BCL2L2: variants seen among roughly 807,000 people sequenced by gnomAD.
BCL2L2 encodes the protein BCL2 like 2.
Under a neutral mutation model 14.6 loss-of-function variants are expected in BCL2L2, and 6 were observed. The observed-to-expected ratio is 0.41, with a 90% confidence interval of 0.22 to 0.81. The LOEUF is 0.81. Among genes scored for constraint, BCL2L2 ranks in the 30% least tolerant of loss-of-function variants. The pLI, the probability that BCL2L2 is intolerant of heterozygous loss-of-function variation, is 0.32. For missense variants in BCL2L2, 191 were observed against 260.5 expected, an observed-to-expected ratio of 0.73 and a Z score of 1.84; for synonymous variants, 90 against 108.5, an observed-to-expected ratio of 0.83 and a Z score of 1.06.
Position 23,309,109 on chromosome 14 carries a change from C to T in BCL2L2, c.*144C>T. On this transcript the variant is annotated 3_prime_UTR_variant, in exon 4 of 4. Coordinates refer to ENST00000250405, the MANE Select transcript of BCL2L2 (RefSeq NM_004050.5). ...AGAGAAAGGGTAGTGTGTGAGGGAG[C>T]TGAGTAGGCCAGGTAGGCGATTGGA... 7 of 1,246,124 alleles carry T rather than the reference C, an allele frequency of 5.6e-6. No individual in the cohort carries two copies. Among genetic ancestry groups the T allele is most frequent in the Non-Finnish European group, 7.1e-6 (7 of 988,500 alleles). 77.2% of individuals were successfully genotyped at this position (1,246,124 alleles called of 1,614,324 possible). A position where few individuals can be genotyped will look rare whatever the true frequency, so the allele number is the denominator to read the frequency against.
In BCL2L2 at chr14:23,310,698, A is replaced by C. The variant is rs1887558286; in HGVS notation, c.*1733A>C. ...GGGGTGGGGGGTCTCTGACTTGCTC[A>C]GGACAAACTAGGCCAGTGGTTTTCA... On this transcript the variant is annotated 3_prime_UTR_variant, in exon 4 of 4. Transcript: ENST00000250405. The C allele has an allele frequency of 2.6e-6, 3 of 1,166,276 alleles. No homozygotes were observed. In the South Asian group the frequency reaches 5.0e-5, roughly 19 times the overall value. 72.2% of individuals were successfully genotyped at this position (1,166,276 alleles called of 1,614,324 possible).
chr14:23,307,555 T>G (rs1887309641), intron 2 of BCL2L2, among the ~76,000 whole-genome samples: 1 of 152,348 alleles, frequency 6.6e-6, no homozygotes, highest in African/African-American at 2.4e-5. Context: ...ACATTTAATT[T>G]GGCATATTAG....
Position 23,308,921 on chromosome 14 carries a change from C to A in BCL2L2, c.538C>A (p.Leu180Met). The A allele has an allele frequency of 1.5e-6, 2 of 1,321,142 alleles. No homozygotes were observed. Among genetic ancestry groups the A allele is most frequent in the Non-Finnish European group, 1.9e-6 (2 of 1,026,622 alleles). The allele number at this position is 1,321,142 out of a possible 1,614,324, so 81.8% of individuals were successfully genotyped here. A position where few individuals can be genotyped will look rare whatever the true frequency, so the allele number is the denominator to read the frequency against. Residue 180 changes from leucine to methionine, a missense_variant, in exon 4 of 4, where the codon CTG becomes ATG. Physicochemically the swap from Leu to Met is conservative, Grantham distance 15. Transcript: ENST00000250405. This position sits in a 1 kb window ranked among gnomAD's most constrained non-coding sequence, Gnocchi z 5.4. ...VRTVLTGAVA[L>M]GALVTVGAFF... is the part of the protein sequence containing the mutation. Reference sequence around the variant, plus strand: ...GACAGTGCTGACGGGGGCCGTGGCACTGGGGGCCCTGGTAACTGTAGGGGC... The same window carrying A: ...GACAGTGCTGACGGGGGCCGTGGCAATGGGGGCCCTGGTAACTGTAGGGGC...
chr14:23,308,211 C>A lies in BCL2L2; in HGVS notation c.432+12C>A, dbSNP rs1164963306. Reference sequence around the variant, plus strand: ...GCAGTGGGGGCTGGGTAAGAAGCTTCTCAATTGCCGCTCTGCACATCCTTC... The same window carrying A: ...GCAGTGGGGGCTGGGTAAGAAGCTTATCAATTGCCGCTCTGCACATCCTTC... On this transcript the variant is annotated intron_variant, in intron 3 of 3. Transcript: ENST00000250405. The surrounding 1 kb of genome is among the most constrained non-coding windows in gnomAD (Gnocchi z 5.4). 6.3e-7 allele frequency: 1 copy of A among 1,598,718 alleles called. No individual in the cohort carries two copies. The highest frequency in any genetic ancestry group is 2.2e-5 in the East Asian group (1 of 44,686).
chr14:23,311,527 A>G lies in BCL2L2; in HGVS notation c.*2562A>G, dbSNP rs1887614541. 1 of 992,534 alleles carries G rather than the reference A, an allele frequency of 1.0e-6. No individual in the cohort carries two copies. Among genetic ancestry groups the G allele is most frequent in the South Asian group, 4.5e-5 (1 of 22,020 alleles). 61.5% of individuals were successfully genotyped at this position (992,534 alleles called of 1,614,324 possible). ...CCTGCGATTATTAATCCCACTCCCC[A>G]CTTATTCTAGGGCACACAAACACTA... is the stretch of plus-strand genomic sequence containing the variant. On this transcript the variant is annotated 3_prime_UTR_variant, in exon 4 of 4. Transcript: ENST00000250405.
In BCL2L2 at chr14:23,311,721, C is replaced by T. The variant is rs1222381702; in HGVS notation, c.*2756C>T. On this transcript the variant is annotated 3_prime_UTR_variant, in exon 4 of 4. Transcript: ENST00000250405. ...TAATATGTAATGATCGTATTAAAAA[C>T]AATAAATAAAGCCCAGAAGTTTAAT... is the stretch of plus-strand genomic sequence containing the variant. 3 of 958,516 alleles carry T rather than the reference C, an allele frequency of 3.1e-6. No homozygotes were observed. Among genetic ancestry groups the T allele is most frequent in the East Asian group, 2.3e-4 (2 of 8,680 alleles). 59.4% of individuals were successfully genotyped at this position (958,516 alleles called of 1,614,324 possible). A position where few individuals can be genotyped will look rare whatever the true frequency, so the allele number is the denominator to read the frequency against.
At position 23,308,919 on chromosome 14, in the gene BCL2L2, C is replaced by G; in HGVS notation, c.536C>G (p.Ala179Gly). 1 of 1,321,156 alleles carries G rather than the reference C, an allele frequency of 7.6e-7. No homozygotes were observed. Among genetic ancestry groups the G allele is most frequent in the Non-Finnish European group, 9.7e-7 (1 of 1,026,696 alleles). 81.8% of individuals were successfully genotyped at this position (1,321,156 alleles called of 1,614,324 possible). A position where few individuals can be genotyped will look rare whatever the true frequency, so the allele number is the denominator to read the frequency against. ...AGGACAGTGCTGACGGGGGCCGTGG[C>G]ACTGGGGGCCCTGGTAACTGTAGGG... ...SVRTVLTGAV[A>G]LGALVTVGAF... is the part of the protein sequence containing the mutation. The change falls in exon 4 of 4, where the codon GCA becomes GGA. Residue 179 changes from alanine to glycine, a missense_variant. By Grantham distance (60) the Ala-to-Gly change is moderately conservative. Coordinates refer to ENST00000250405, the MANE Select transcript of BCL2L2 (RefSeq NM_004050.5). This position sits in a 1 kb window ranked among gnomAD's most constrained non-coding sequence, Gnocchi z 5.4.
In BCL2L2 at chr14:23,309,353, A is replaced by G; in HGVS notation, c.*388A>G. The G allele has an allele frequency of 9.8e-7, 1 of 1,015,368 alleles. No individual in the cohort carries two copies. The highest frequency in any genetic ancestry group is 1.2e-6 in the Non-Finnish European group (1 of 849,924). The allele number at this position is 1,015,368 out of a possible 1,614,324, so 62.9% of individuals were successfully genotyped here. A position where few individuals can be genotyped will look rare whatever the true frequency, so the allele number is the denominator to read the frequency against. On this transcript the variant is annotated 3_prime_UTR_variant, in exon 4 of 4. Transcript: ENST00000250405. The stretch of plus-strand genomic sequence containing the variant: ...GGGATTTAGGGAACGCAGAAGGCAC[A>G]TCCCTTTGGAATGGAAGCTTAGGGG...
Position 23,308,326 on chromosome 14 carries a change from C to T in BCL2L2, c.432+127C>T, listed in dbSNP as rs1018036285. 1.1e-5 allele frequency: 14 copies of T among 1,324,558 alleles called. No individual in the cohort carries two copies. The highest frequency in any genetic ancestry group is 4.5e-5 in the African/African-American group (3 of 67,194). 82.1% of individuals were successfully genotyped at this position (1,324,558 alleles called of 1,614,324 possible). A position where few individuals can be genotyped will look rare whatever the true frequency, so the allele number is the denominator to read the frequency against. On this transcript the variant is annotated intron_variant, in intron 3 of 3. Coordinates refer to ENST00000250405, the MANE Select transcript of BCL2L2 (RefSeq NM_004050.5). The surrounding 1 kb of genome is among the most constrained non-coding windows in gnomAD (Gnocchi z 5.4). ...AATGAGGTACGGGGCTGAGTCTCCCCGTCTGGATGGAATTAGATTGAGAGA... is the reference window on the plus strand; with the variant it reads ...AATGAGGTACGGGGCTGAGTCTCCCTGTCTGGATGGAATTAGATTGAGAGA...
At chr14:23,307,536 A>C (rs903115959) in intron 2 of BCL2L2, among the ~76,000 whole-genome samples, 1 of 152,204 alleles carries the variant, frequency 6.6e-6, no homozygotes, top group African/African-American at 2.4e-5. Context: ...CAGAAAATTT[A>C]CTTGTTTTAC....
rs1887540618 is a variant in BCL2L2, at chr14:23,310,471, C to T, written c.*1506C>T. On this transcript the variant is annotated 3_prime_UTR_variant, in exon 4 of 4. Coordinates refer to ENST00000250405, the MANE Select transcript of BCL2L2 (RefSeq NM_004050.5). Reference sequence around the variant, plus strand: ...CTCTTCTTGGAGATTTTCACTTGGTCCTAGAATGTGGCAACGTAGTTGTGC... The same window carrying T: ...CTCTTCTTGGAGATTTTCACTTGGTTCTAGAATGTGGCAACGTAGTTGTGC... The T allele has an allele frequency of 7.8e-6, 8 of 1,027,706 alleles. No individual in the cohort carries two copies. Among genetic ancestry groups the T allele is most frequent in the Non-Finnish European group, 9.3e-6 (8 of 856,528 alleles). The allele number at this position is 1,027,706 out of a possible 1,614,324, so 63.7% of individuals were successfully genotyped here.
In BCL2L2 at chr14:23,309,581, C is replaced by T; in HGVS notation, c.*616C>T. ...TCCTCCCAACCCCTCCTTTCCCCTGCCCTTGTCCTGATGCCTCAAGGCTTA... is the reference window on the plus strand; with the variant it reads ...TCCTCCCAACCCCTCCTTTCCCCTGTCCTTGTCCTGATGCCTCAAGGCTTA... On this transcript the variant is annotated 3_prime_UTR_variant, in exon 4 of 4. Transcript: ENST00000250405. 1.0e-6 allele frequency: 1 copy of T among 985,626 alleles called. No individual in the cohort carries two copies. Among genetic ancestry groups the T allele is most frequent in the South Asian group, 4.7e-5 (1 of 21,292 alleles). The allele number at this position is 985,626 out of a possible 1,614,324, so 61.1% of individuals were successfully genotyped here.
At position 23,310,768 on chromosome 14, in the gene BCL2L2, A is replaced by T. The variant is rs1418188690; in HGVS notation, c.*1803A>T. 8.4e-7 allele frequency: 1 copy of T among 1,194,204 alleles called. No homozygotes were observed. Among genetic ancestry groups the T allele is most frequent in the African/African-American group, 1.6e-5 (1 of 62,384 alleles). The allele number at this position is 1,194,204 out of a possible 1,614,324, so 74.0% of individuals were successfully genotyped here. A position where few individuals can be genotyped will look rare whatever the true frequency, so the allele number is the denominator to read the frequency against. On this transcript the variant is annotated 3_prime_UTR_variant, in exon 4 of 4. Transcript: ENST00000250405. The stretch of plus-strand genomic sequence containing the variant: ...GAAGTTTCCTAGGGGTTGCCTCAGG[A>T]GTCCTTGGGGAGATGAAGGGGGTGG...
In BCL2L2 at chr14:23,310,838, C is replaced by G; in HGVS notation, c.*1873C>G. 8.1e-7 allele frequency: 1 copy of G among 1,230,270 alleles called. No homozygotes were observed. The highest frequency in any genetic ancestry group is 1.1e-6 in the Non-Finnish European group (1 of 947,710). 76.2% of individuals were successfully genotyped at this position (1,230,270 alleles called of 1,614,324 possible). A position where few individuals can be genotyped will look rare whatever the true frequency, so the allele number is the denominator to read the frequency against. ...AATTTGCCCTCAAACAGAACAGCTC[C>G]CCTTGTAGCTGTCTTACATATTGGG... On this transcript the variant is annotated 3_prime_UTR_variant, in exon 4 of 4. Coordinates refer to ENST00000250405, the MANE Select transcript of BCL2L2 (RefSeq NM_004050.5).
Position 23,310,564 on chromosome 14 carries a change from G to A in BCL2L2, c.*1599G>A. ...AGACTTCTGCTTTTGAGAGAGGGCT[G>A]CACTTTTTCATGGTATTTCTAGGGG... On this transcript the variant is annotated 3_prime_UTR_variant, in exon 4 of 4. Transcript: ENST00000250405. The A allele has an allele frequency of 9.4e-7, 1 of 1,066,782 alleles. No individual in the cohort carries two copies. The highest frequency in any genetic ancestry group is 1.1e-6 in the Non-Finnish European group (1 of 879,386). 66.1% of individuals were successfully genotyped at this position (1,066,782 alleles called of 1,614,324 possible).
Position 23,309,431 on chromosome 14 carries a change from G to C in BCL2L2, c.*466G>C. The stretch of plus-strand genomic sequence containing the variant: ...TTAACAGTGGGCTGCTTGGACACGC[G>C]TGTGCATGTGCACGCATGCTGGTGT... On this transcript the variant is annotated 3_prime_UTR_variant, in exon 4 of 4. Coordinates refer to ENST00000250405, the MANE Select transcript of BCL2L2 (RefSeq NM_004050.5). The C allele has an allele frequency of 1.0e-6, 1 of 989,562 alleles. No homozygotes were observed. Among genetic ancestry groups the C allele is most frequent in the Non-Finnish European group, 1.2e-6 (1 of 832,776 alleles). 61.3% of individuals were successfully genotyped at this position (989,562 alleles called of 1,614,324 possible).
At position 23,308,314 on chromosome 14, in the gene BCL2L2, G is replaced by T; in HGVS notation, c.432+115G>T. On this transcript the variant is annotated intron_variant, in intron 3 of 3. Transcript: ENST00000250405. The surrounding 1 kb of genome is among the most constrained non-coding windows in gnomAD (Gnocchi z 5.4). ...AGCTATGTTGGGAATGAGGTACGGG[G>T]CTGAGTCTCCCCGTCTGGATGGAAT... The T allele has an allele frequency of 9.4e-6, 13 of 1,384,302 alleles. No homozygotes were observed. The highest frequency in any genetic ancestry group is 1.2e-5 in the Non-Finnish European group (13 of 1,050,778). 85.8% of individuals were successfully genotyped at this position (1,384,302 alleles called of 1,614,324 possible). A position where few individuals can be genotyped will look rare whatever the true frequency, so the allele number is the denominator to read the frequency against.
chr14:23,307,659 C>G, intron 2 of BCL2L2, 101 bp from the exon 3 acceptor site: 1 of 1,448,306 alleles, frequency 6.9e-7, no homozygotes, highest in Non-Finnish European at 9.2e-7. Context: ...CTGAGCATTT[C>G]CTCTCTCCTC....
Position 23,311,004 on chromosome 14 carries a change from C to T in BCL2L2, c.*2039C>T. ...AGCACACTCTTCACCCTACCCTCTACCACAGGACACATATCCCTGTTAGCA... is the reference window on the plus strand; with the variant it reads ...AGCACACTCTTCACCCTACCCTCTATCACAGGACACATATCCCTGTTAGCA... On this transcript the variant is annotated 3_prime_UTR_variant, in exon 4 of 4. Transcript: ENST00000250405. 1 of 1,289,602 alleles carries T rather than the reference C, an allele frequency of 7.8e-7. No individual in the cohort carries two copies. Among genetic ancestry groups the T allele is most frequent in the South Asian group, 1.2e-5 (1 of 81,028 alleles). The allele number at this position is 1,289,602 out of a possible 1,614,324, so 79.9% of individuals were successfully genotyped here.
Sources: gnomAD v4.1 joint callset for allele counts (sites outside exome capture counted in the v4.1 genomes callset) on GRCh38, gnomAD v4.1.1 for gene constraint, Gnocchi (gnomAD v3.1) non-coding constraint, MANE v1.5 for transcripts, NCBI Gene and HGNC (gene_info 2026-07-23, HGNC 2026-07-21) for gene names.